Variants in TCHH observed in about 807,000 individuals in gnomAD.
TCHH encodes the protein trichohyalin.
A neutral mutation model predicts 6.3 loss-of-function variants in TCHH; 6 were observed. The observed-to-expected ratio is 0.95, with a 90% CI of 0.52 to 1.88. The LOEUF (loss-of-function observed/expected upper bound fraction) is 1.88. Ranked by LOEUF, TCHH falls within the 40% of genes most tolerant of loss-of-function variation. The pLI is 0.01. For missense variants in TCHH, 2,920 were observed against 2,449.1 expected (o/e 1.19, Z -4.06); for synonymous variants, 1,087 against 963.6 (o/e 1.13, Z -2.37).
chr1:152,111,403 T>A lies in TCHH; in HGVS notation c.1814A>T (p.Glu605Val). Reference sequence around the variant, plus strand: ...CTCCTGCTCGAGTCTCTCCACCTCCTCGCGCTTCAGTCGCTGCTCGAGCCT... The same window carrying A: ...CTCCTGCTCGAGTCTCTCCACCTCCACGCGCTTCAGTCGCTGCTCGAGCCT... ...EERLEQRLKR[E>V]EVERLEQEER... The change falls in exon 3 of 3, where the codon GAG becomes GTG. Residue 605 changes from glutamate to valine, a missense_variant. Coordinates refer to ENST00000614923, the MANE Select transcript of TCHH (RefSeq NM_007113.4). The A allele has an allele frequency of 1.2e-6, 2 of 1,609,216 alleles. No homozygotes were observed. Among genetic ancestry groups the A allele is most frequent in the African/African-American group, 2.7e-5 (2 of 73,302 alleles).
rs776978954 is a variant in TCHH, at chr1:152,109,055, G to A, written c.4162C>T (p.Arg1388Trp). 3.7e-6 allele frequency: 6 copies of A among 1,613,032 alleles called. No individual in the cohort carries two copies. The highest frequency in any genetic ancestry group is 1.1e-5 in the South Asian group (1 of 91,054). The change falls in exon 3 of 3, where the codon CGG (arginine) becomes TGG (tryptophan). Residue 1388 changes from arginine to tryptophan, a missense_variant. By Grantham distance (101) the Arg-to-Trp change is moderately radical. Transcript: ENST00000614923. ...TCCTCCTTAAGGAATTTTCTCTCCC[G>A]TTCCTGGCGGCGCAGCCGCTGTTCC... Reference protein sequence around the residue: ...EEEQRLRRQERERKFLKEEQQ... With the variant: ...EEEQRLRRQEWERKFLKEEQQ...
chr1:152,109,937 G>T lies in TCHH; in HGVS notation c.3280C>A (p.Leu1094Met). 6.3e-7 allele frequency: 1 copy of T among 1,581,538 alleles called. No homozygotes were observed. Among genetic ancestry groups the T allele is most frequent in the African/African-American group, 1.4e-5 (1 of 71,296 alleles). Residue 1094 changes from leucine (L) to methionine (M), a missense_variant, in exon 3 of 3, where the codon CTG becomes ATG. Coordinates refer to ENST00000614923, the MANE Select transcript of TCHH (RefSeq NM_007113.4). ...CTTCTCTTCTCCGGTTCCTCTCTCA[G>T]CAGCTGCTCTTCCTCCTGCTGCAGC... ...EELQQEEEQL[L>M]REEPEKRRRQ...
Position 152,110,586 on chromosome 1 carries a change from T to A in TCHH, c.2631A>T (p.Gln877His). Residue 877 changes from glutamine to histidine, a missense_variant, in exon 3 of 3, where the codon CAA becomes CAT. By Grantham distance (24) the Gln-to-His change is conservative. Transcript: ENST00000614923. ...EQRRDQKWRW[Q>H]LEEERKRRRH... The stretch of plus-strand genomic sequence containing the variant: ...GGCGTCTCTTCCTTTCTTCTTCTAG[T>A]TGCCACCTCCATTTTTGGTCGCGGC... 1 of 1,614,122 alleles carries A rather than the reference T, an allele frequency of 6.2e-7. No individual in the cohort carries two copies. The highest frequency in any genetic ancestry group is 8.5e-7 in the Non-Finnish European group (1 of 1,180,016).
rs1658404857 is a variant in TCHH at position 152,112,344 on chromosome 1, C to T, written c.873G>A (p.Gln291=). ...LERQELRRER[Q]EEEQQQQRLR... The stretch of plus-strand genomic sequence containing the variant: ...GCCTTTGCTGCTGCTGCTCTTCCTC[C>T]TGGCGCTCCCTCCTCAGCTCTTGCC... The change falls in exon 3 of 3, where the codon CAG becomes CAA. Residue 291 remains glutamine, a synonymous_variant. Transcript: ENST00000614923. 6.2e-7 allele frequency: 1 copy of T among 1,613,328 alleles called. No homozygotes were observed. The highest frequency in any genetic ancestry group is 2.2e-5 in the East Asian group (1 of 44,830).
chr1:152,109,510 C>G lies in TCHH; in HGVS notation c.3707G>C (p.Arg1236Pro), dbSNP rs377259751. 9.6e-5 allele frequency: 155 copies of G among 1,614,160 alleles called. No individual in the cohort carries two copies. The highest frequency in any genetic ancestry group is 1.3e-4 in the Non-Finnish European group (149 of 1,180,056). Residue 1236 changes from arginine to proline, a missense_variant, in exon 3 of 3, where the codon CGT becomes CCT. Arg to Pro is a moderately radical substitution (Grantham distance 103). Coordinates refer to ENST00000614923, the MANE Select transcript of TCHH (RefSeq NM_007113.4). ...GCCTTTGCAGTAAACCTTGTTATCA[C>G]GAACTGCATTTTCTTTTTCTGGTTC... Reference protein sequence around the residue: ...QWEPEKENAVRDNKVYCKGRE... With the variant: ...QWEPEKENAVPDNKVYCKGRE...
Position 152,108,679 on chromosome 1 carries a change from G to A in TCHH, c.4538C>T (p.Pro1513Leu), listed in dbSNP as rs773017826. The change falls in exon 3 of 3, where the codon CCA (proline) becomes CTA (leucine). Residue 1513 changes from proline to leucine, a missense_variant. By Grantham distance (98) the Pro-to-Leu change is moderately conservative (BLOSUM62 -3). Coordinates refer to ENST00000614923, the MANE Select transcript of TCHH (RefSeq NM_007113.4). ...TTCCTCCTCGAGGAATTTTCTCTCT[G>A]GTTCCTGACTGCGCAGTTCCTGTTC... ...FREQELRSQE[P>L]ERKFLEEEQQ... The A allele has an allele frequency of 1.9e-6, 3 of 1,590,330 alleles. No individual in the cohort carries two copies. In the Admixed American group the frequency reaches 5.2e-5, roughly 28 times the overall value.
rs748302410 is a variant in TCHH, at chr1:152,108,560, G to A, written c.4657C>T (p.Arg1553Cys). ...QERGQQRRQD[R>C]DRKFREEEQL... ...TCCTCCTCGCGGAATTTTCTGTCAC[G>A]GTCCTGACGCCGCTGTTGCCCGCGC... Residue 1553 changes from arginine to cysteine, a missense_variant, in exon 3 of 3, where the codon CGT becomes TGT. By Grantham distance (180) the Arg-to-Cys change is radical (BLOSUM62 -3). Coordinates refer to ENST00000614923, the MANE Select transcript of TCHH (RefSeq NM_007113.4). 12 of 1,603,672 alleles carry A rather than the reference G, an allele frequency of 7.5e-6. No homozygotes were observed. The highest frequency in any genetic ancestry group is 6.9e-5 in the African/African-American group (5 of 72,394).
At chr1:152,113,174 C>G (rs1447174522) in intron 2 of TCHH, 96 bp from the exon 3 acceptor site, 1 of 1,213,114 alleles carries the variant, frequency 8.2e-7, no homozygotes, top group African/African-American at 1.5e-5. Context: ...TGCTGACATT[C>G]AAGAGACATT....
In TCHH at chr1:152,108,461, G is replaced by A. The variant is rs754912985; in HGVS notation, c.4756C>T (p.Gln1586Ter). 14 of 1,613,006 alleles carry A rather than the reference G, an allele frequency of 8.7e-6. No homozygotes were observed. Among genetic ancestry groups the A allele is most frequent in the African/African-American group, 1.3e-5 (1 of 74,544 alleles). ...ERDRKFRLEE[Q>*]KVRRQEQERK... is the part of the protein sequence containing the mutation. ...TCTTGTTCCTGGCGGCGCACTTTCT[G>A]TTCCTCTAAACGGAATTTTCTGTCA... is the stretch of plus-strand genomic sequence containing the variant. Residue 1586 changes from glutamine (Q) to a stop codon, truncating the protein, a stop_gained, in exon 3 of 3, where the codon CAG becomes TAG. Coordinates refer to ENST00000614923, the MANE Select transcript of TCHH (RefSeq NM_007113.4). LOFTEE classifies it low-confidence loss of function (END_TRUNC).
In TCHH at chr1:152,109,089, G is replaced by A. The variant is rs1557809344; in HGVS notation, c.4128C>T (p.Phe1376=). The A allele has an allele frequency of 1.9e-6, 3 of 1,610,930 alleles. No individual in the cohort carries two copies. The highest frequency in any genetic ancestry group is 1.7e-5 in the Admixed American group (1 of 59,638). The stretch of plus-strand genomic sequence containing the variant: ...GGCGCAGCCGCTGTTCCTCCTCGAG[G>A]AATTTTCTCCCTTGTTCCTGATGGC... The part of the protein sequence containing the change: ...ELRHQEQGRK[F]LEEEQRLRRQ... The change falls in exon 3 of 3, where the codon TTC becomes TTT. Residue 1376 remains phenylalanine (F), a synonymous_variant. Coordinates refer to ENST00000614923, the MANE Select transcript of TCHH (RefSeq NM_007113.4).
Position 152,108,019 on chromosome 1 carries a change from TGG to T in TCHH, c.5196_5197del (p.Gln1733ArgfsTer61). On this transcript the variant is annotated frameshift_variant, in exon 3 of 3. Transcript: ENST00000614923. LOFTEE classifies it low-confidence loss of function (END_TRUNC). ...GCGCAGCTGCTCTTGCTCCGTTTCT[TGG>T]CGCAGCTGTTCCTCCTCACGGAATT... is the stretch of plus-strand genomic sequence containing the variant. The T allele has an allele frequency of 6.2e-7, 1 of 1,612,690 alleles. No homozygotes were observed. The highest frequency in any genetic ancestry group is 8.5e-7 in the Non-Finnish European group (1 of 1,179,654).
chr1:152,107,639 CACG>C lies in TCHH; in HGVS notation c.5575_5577del (p.Arg1859del). 1.9e-6 allele frequency: 3 copies of C among 1,614,140 alleles called. No homozygotes were observed. The highest frequency in any genetic ancestry group is 1.6e-4 in the Middle Eastern group (1 of 6,062). ...TCTTCTTGCCATAGTTCTTGTTCCT[CACG>C]ACGACTCTTCTCCTGCGTGGCAAAC... On this transcript the variant is annotated inframe_deletion, in exon 3 of 3. Coordinates refer to ENST00000614923, the MANE Select transcript of TCHH (RefSeq NM_007113.4).
In TCHH at chr1:152,108,246, G is replaced by C. The variant is rs190389251; in HGVS notation, c.4971C>G (p.Arg1657=). 4.7e-5 allele frequency: 76 copies of C among 1,606,888 alleles called. No homozygotes were observed. The African/African-American group carries it at 9.9e-4, about 21-fold the overall frequency. ...EEEPQLRRQE[R]EQQLRHDRDR... ...CGCGGTCGTGACGCAGCTGTTGTTCGCGCTCCTGGCGGCGCAGCTGCGGTT... is the reference window on the plus strand; with the variant it reads ...CGCGGTCGTGACGCAGCTGTTGTTCCCGCTCCTGGCGGCGCAGCTGCGGTT... The change falls in exon 3 of 3, where the codon CGC becomes CGG. Residue 1657 remains arginine (R), a synonymous_variant. Coordinates refer to ENST00000614923, the MANE Select transcript of TCHH (RefSeq NM_007113.4).
rs757399789 is a variant in TCHH at position 152,111,095 on chromosome 1, G to GCTGCCA, written c.2116_2121dup (p.Trp706_Gln707dup). 6.2e-7 allele frequency: 1 copy of GCTGCCA among 1,613,566 alleles called. No individual in the cohort carries two copies. Among genetic ancestry groups the GCTGCCA allele is most frequent in the East Asian group, 2.2e-5 (1 of 44,848 alleles). On this transcript the variant is annotated inframe_insertion, in exon 3 of 3. Coordinates refer to ENST00000614923, the MANE Select transcript of TCHH (RefSeq NM_007113.4). The stretch of plus-strand genomic sequence containing the variant: ...TGCCGTGCGTCGGCCTCGCTTTCTA[G>GCTGCCA]CTGCCACTGCCACTTCGGGATGCGG...
In TCHH at chr1:152,113,049, C is replaced by A. The variant is rs916246372; in HGVS notation, c.168G>T (p.Leu56=). The A allele has an allele frequency of 1.2e-6, 2 of 1,613,156 alleles. No homozygotes were observed. The highest frequency in any genetic ancestry group is 2.7e-5 in the African/African-American group (2 of 74,860). Reference sequence around the variant, plus strand: ...TGTCAAGATCCAGAAGTTCCAGGATCAGATCTACCGTCTTAGGGTCATGTG... The same window carrying A: ...TGTCAAGATCCAGAAGTTCCAGGATAAGATCTACCGTCTTAGGGTCATGTG... ...RRPHDPKTVD[L]ILELLDLDSN... The change falls in exon 3 of 3, where the codon CTG becomes CTT. Residue 56 remains leucine, a synonymous_variant. Transcript: ENST00000614923.
Position 152,110,809 on chromosome 1 carries a change from C to A in TCHH, c.2408G>T (p.Arg803Leu). 6.2e-7 allele frequency: 1 copy of A among 1,608,298 alleles called. No individual in the cohort carries two copies. The change falls in exon 3 of 3, where the codon CGC becomes CTC. Residue 803 changes from arginine to leucine, a missense_variant. Coordinates refer to ENST00000614923, the MANE Select transcript of TCHH (RefSeq NM_007113.4). ...GAGAAACCGTTGTTCCCGCTGCTGG[C>A]GCTCCTCGGCCCTCAGCTGCCTCTC... is the stretch of plus-strand genomic sequence containing the variant. Reference protein sequence around the residue: ...QRERQLRAEERQQREQRFLPE... With the variant: ...QRERQLRAEELQQREQRFLPE...
In TCHH at chr1:152,112,789, TC is replaced by T. The variant is rs1165196556; in HGVS notation, c.427del (p.Glu143AsnfsTer6). On this transcript the variant is annotated frameshift_variant, in exon 3 of 3. Transcript: ENST00000614923. LOFTEE classifies it low-confidence loss of function (END_TRUNC). The part of the protein sequence containing the change: ...PGQRRRQKRQ[E>X]QERELAEGEE... ...TCCCTCAGCTAGCTCCCTCTCCTGTTCCTGCCTCTTCTGCCTGCGTCGTTGC... is the reference window on the plus strand; with the variant it reads ...TCCCTCAGCTAGCTCCCTCTCCTGTTCTGCCTCTTCTGCCTGCGTCGTTGC... 1 of 1,613,998 alleles carries T rather than the reference TC, an allele frequency of 6.2e-7. No homozygotes were observed. Among genetic ancestry groups the T allele is most frequent in the Non-Finnish European group, 8.5e-7 (1 of 1,180,006 alleles).
chr1:152,107,462 G>A lies in TCHH; in HGVS notation c.5755C>T (p.Gln1919Ter), dbSNP rs1658135044. ...HGRLLEPGTH[Q>*]FASVPVRSSP... ...GAGCGCACTGGGACACTGGCAAACT[G>A]ATGAGTGCCGGGCTCCAGAAGCCGC... The change falls in exon 3 of 3, where the codon CAG (glutamine) becomes TAG (stop). Residue 1919 changes from glutamine (Q) to a stop codon, truncating the protein, a stop_gained. Coordinates refer to ENST00000614923, the MANE Select transcript of TCHH (RefSeq NM_007113.4). LOFTEE classifies it high-confidence loss of function. 13 of 1,614,062 alleles carry A rather than the reference G, an allele frequency of 8.1e-6. No homozygotes were observed. The highest frequency in any genetic ancestry group is 1.1e-5 in the Non-Finnish European group (13 of 1,179,948).
Position 152,115,389 on chromosome 1 carries a change from AC to A in TCHH, c.-32+1del, listed in dbSNP as rs1284857670. 1 of 152,264 alleles carries A rather than the reference AC, an allele frequency of 6.6e-6. No individual in the cohort carries two copies. The highest frequency in any genetic ancestry group is 6.5e-5 in the Admixed American group (1 of 15,290). The allele number at this position is 152,264 out of a possible 1,614,324, so 9.4% of individuals were successfully genotyped here. Reference sequence around the variant, plus strand: ...ACCACGATCCCACAGAATGGGACTTACCCACTTCACCAGAGGAAGAAGTCGA... The same window carrying A: ...ACCACGATCCCACAGAATGGGACTTACCACTTCACCAGAGGAAGAAGTCGA... On this transcript the variant is annotated splice_donor_variant, in intron 1 of 2. Coordinates refer to ENST00000614923, the MANE Select transcript of TCHH (RefSeq NM_007113.4). LOFTEE classifies it low-confidence loss of function (5UTR_SPLICE).
Sources: allele counts gnomAD v4.1 joint callset, GRCh38; gene constraint gnomAD v4.1.1; transcripts MANE v1.5; gene names NCBI Gene and HGNC (gene_info 2026-07-23, HGNC 2026-07-21).